The following SORCS2 variants were observed in gnomAD, a reference collection of about 807,000 sequenced individuals.
SORCS2 encodes VPS10 domain-containing receptor SorCS2.
In SORCS2, 100 loss-of-function variants were observed where a neutral mutation model predicts 141.6. The observed-to-expected ratio is 0.71, with a 90% confidence interval of 0.60 to 0.83. The LOEUF is 0.83. Ranked by LOEUF, SORCS2 falls within the 40% of genes least tolerant of loss-of-function variation. SORCS2 has a pLI of 0.00. For synonymous variants in SORCS2, 789 were observed against 676.9 expected (o/e 1.17, Z -2.57); for missense variants, 1,646 against 1,560.2 (o/e 1.05, Z -0.93).
intron 8 of SORCS2, among the ~76,000 whole-genome samples, chr4:7,674,400 C>T (rs960035468): frequency 6.6e-6 from 1 of 151,732 alleles, no homozygotes. Flanking sequence ...AGTGAAACCC[C>T]GTCTCTACTA....
chr4:7,415,046 A>G (rs1725569528), intron 2 of SORCS2, among the ~76,000 whole-genome samples: 3 of 152,212 alleles, frequency 2.0e-5, no homozygotes, highest in African/African-American at 7.2e-5. Context: ...TTAAAGAGAC[A>G]AGCAGGACAA....
chr4:7,264,659 G>A (rs1714596502), intron 1 of SORCS2, among the ~76,000 whole-genome samples: 1 of 152,198 alleles, frequency 6.6e-6, no homozygotes, highest in African/African-American at 2.4e-5. Flanking sequence ...AAACTAGGCG[G>A]AGCTCTTGCC....
At position 7,587,350 on chromosome 4, in the gene SORCS2, C is replaced by T. The variant is rs1036915226; in HGVS notation, c.649-50978C>T. 1.1e-3 allele frequency among the ~76,000 whole-genome samples: 160 copies of T among 152,322 alleles called. 1 individual carries two copies. Among genetic ancestry groups the T allele is most frequent in the East Asian group, 1.2e-3 (6 of 5,164 alleles). On this transcript the variant is annotated intron_variant, in intron 3 of 26. Coordinates refer to ENST00000507866, the MANE Select transcript of SORCS2 (RefSeq NM_020777.3). ...AACCTGGGTCCCATCTTCTGACAAT[C>T]GGGGACCGTAGTGCCTACGTGGCCA...
At chr4:7,616,961 C>G (rs2108819699) in intron 3 of SORCS2, among the ~76,000 whole-genome samples, 1 of 152,340 alleles carries the variant, frequency 6.6e-6, no homozygotes, top group South Asian at 2.1e-4. Context: ...TCTCTTGGCC[C>G]TTTTGAGCTT....
intron 1 of SORCS2, among the ~76,000 whole-genome samples, chr4:7,246,678 G>C (rs573380251): frequency 1.3e-5 from 2 of 152,338 alleles, no homozygotes; most frequent in South Asian, 4.1e-4. Context: ...GATGGGAAGA[G>C]CCAGGTAGCA....
At chr4:7,230,262 T>C (rs112611090) in intron 1 of SORCS2, among the ~76,000 whole-genome samples, 638 of 79,598 alleles carry the variant, frequency 8.0e-3, no homozygotes, top group Middle Eastern at 0.019. Flanking sequence ...TCAAGTCTTC[T>C]AGTCGCTGGG....
chr4:7,197,560 G>A (rs905822982), intron 1 of SORCS2, among the ~76,000 whole-genome samples: 2 of 152,176 alleles, frequency 1.3e-5, no homozygotes, highest in African/African-American at 4.8e-5. Flanking sequence ...AGAATGAGTA[G>A]GTGGAGTGTA....
chr4:7,724,627 ATGG>A (rs765534091), intron 19 of SORCS2, among the ~76,000 whole-genome samples: 1 of 67,774 alleles, frequency 1.5e-5, no homozygotes, highest in Non-Finnish European at 3.1e-5. Context: ...GAGGATGGTG[ATGG>A]TGGTGATGGT....
At chr4:7,248,552 A>G (rs1207068381) in intron 1 of SORCS2, among the ~76,000 whole-genome samples, 1 of 152,192 alleles carries the variant, frequency 6.6e-6, no homozygotes, top group Non-Finnish European at 1.5e-5. Context: ...AACAGTAGTG[A>G]TGATCACTGT....
intron 14 of SORCS2, among the ~76,000 whole-genome samples, chr4:7,710,780 C>T (rs1033245580): frequency 6.6e-5 from 10 of 152,192 alleles, no homozygotes; most frequent in Middle Eastern, 3.2e-3. Context: ...CGGACGGACG[C>T]GGCAGAGTCA....
Position 7,618,833 on chromosome 4 carries a change from C to T in SORCS2, c.649-19495C>T, listed in dbSNP as rs575203072. ...TTTTACTTATTGTCTGAGCCATGTGCGCAAACACACACACACACACACACA... is the reference window on the plus strand; with the variant it reads ...TTTTACTTATTGTCTGAGCCATGTGTGCAAACACACACACACACACACACA... On this transcript the variant is annotated intron_variant, in intron 3 of 26. Coordinates refer to ENST00000507866, the MANE Select transcript of SORCS2 (RefSeq NM_020777.3). 1.9e-4 allele frequency among the ~76,000 whole-genome samples: 18 copies of T among 92,920 alleles called. No individual in the cohort carries two copies. In the East Asian group the frequency reaches 6.6e-3, roughly 34 times the overall value. The allele number at this position is 92,920 out of a possible 152,430, so 61.0% of individuals were successfully genotyped here.
chr4:7,245,528 G>A (rs56192730), intron 1 of SORCS2, among the ~76,000 whole-genome samples: 16,104 of 152,268 alleles, frequency 0.11, 1,219 homozygotes, highest in African/African-American at 0.22. Flanking sequence ...GCGTGGCCTC[G>A]GATGATTCCT....
intron 26 of SORCS2, among the ~76,000 whole-genome samples, chr4:7,739,831 C>T (rs1003590172): frequency 5.9e-5 from 9 of 152,180 alleles, no homozygotes; most frequent in African/African-American, 2.2e-4. Flanking sequence ...GGGGCCTCGC[C>T]ACTCTACGCC....
At chr4:7,505,396 C>T (rs538470389) in intron 2 of SORCS2, among the ~76,000 whole-genome samples, 6 of 152,034 alleles carry the variant, frequency 3.9e-5, no homozygotes, top group Admixed American at 1.3e-4. Flanking sequence ...AGGAGAGCTC[C>T]GTGTGCACAG....
chr4:7,327,107 G>A (rs1278163064), intron 1 of SORCS2, among the ~76,000 whole-genome samples: 1 of 152,238 alleles, frequency 6.6e-6, no homozygotes, highest in African/African-American at 2.4e-5. Flanking sequence ...GGCCTGCAGA[G>A]TTAGGTGCTG....
chr4:7,619,807 C>T (rs567710388), intron 3 of SORCS2, among the ~76,000 whole-genome samples: 3 of 152,272 alleles, frequency 2.0e-5, no homozygotes, highest in Middle Eastern at 3.4e-3. Flanking sequence ...TGGGAAGGGA[C>T]GGCCTTTAGG....
intron 2 of SORCS2, among the ~76,000 whole-genome samples, chr4:7,452,235 T>A (rs981485127): frequency 2.6e-5 from 4 of 152,144 alleles, no homozygotes; most frequent in African/African-American, 9.6e-5. Flanking sequence ...CTGCCTCCTA[T>A]GTTCAGGCAA....
intron 2 of SORCS2, among the ~76,000 whole-genome samples, chr4:7,524,911 A>G (rs1733572788): frequency 6.6e-6 from 1 of 152,158 alleles, no homozygotes; most frequent in African/African-American, 2.4e-5. Context: ...CCATAGAAAG[A>G]CGAGGGCATC....
chr4:7,434,167 G>A, intron 2 of SORCS2: 1 of 1,613,948 alleles, frequency 6.2e-7, no homozygotes, highest in South Asian at 1.1e-5. Context: ...AAGCCTCAGT[G>A]CTTGGTCAGC....
Sources: gnomAD v4.1 joint callset for allele counts (sites outside exome capture counted in the v4.1 genomes callset) on GRCh38, gnomAD v4.1.1 for gene constraint, MANE v1.5 for transcripts, NCBI Gene and HGNC (gene_info 2026-07-23, HGNC 2026-07-21) for gene names.